Variants in IL34 observed in about 807,000 individuals in gnomAD.
IL34 encodes interleukin 34.
A neutral mutation model predicts 25.3 loss-of-function variants in IL34; 17 were observed. The ratio of observed to expected loss-of-function variants is 0.67; its 90% CI spans 0.46 to 1.01. The LOEUF (loss-of-function observed/expected upper bound fraction) is 1.01, where lower values mean the gene tolerates loss of function less well. Among genes scored for constraint, IL34 ranks in the 50% least tolerant of loss-of-function variants. The pLI, the probability that IL34 is intolerant of heterozygous loss-of-function variation, is 0.00. For missense variants in IL34, 368 were observed against 312.9 expected (o/e 1.18, Z -1.33); for synonymous variants, 174 against 140.9 (o/e 1.23, Z -1.66).
chr16:70,646,701 C>CT lies in IL34; in HGVS notation c.-246dup. On this transcript the variant is annotated 5_prime_UTR_variant, in exon 1 of 6. Transcript: ENST00000288098. ...CCAAGCCACCGGCTCAGACCTGCTT[C>CT]TGGGCTGCCATGGGACTTGCGGCCA... The CT allele has an allele frequency of 2.1e-6, 1 of 475,436 alleles. No homozygotes were observed. 29.5% of individuals were successfully genotyped at this position (475,436 alleles called of 1,614,324 possible).
intron 1 of IL34, among the ~76,000 whole-genome samples, chr16:70,640,201 G>A (rs573856047): frequency 5.9e-5 from 9 of 152,210 alleles, no homozygotes; most frequent in East Asian, 1.9e-4. Flanking sequence ...GAGTGCAGTG[G>A]TGCCATCGTG....
At chr16:70,634,372 A>G (rs2051591292) in intron 1 of IL34, among the ~76,000 whole-genome samples, 1 of 152,140 alleles carries the variant, frequency 6.6e-6, no homozygotes, top group South Asian at 2.1e-4. Flanking sequence ...CCACCACTCT[A>G]ACAAAGAAGA....
chr16:70,609,824 C>A (rs1318933682), intron 1 of IL34, among the ~76,000 whole-genome samples: 1 of 152,142 alleles, frequency 6.6e-6, no homozygotes, highest in Admixed American at 6.5e-5. Flanking sequence ...CTTGCAGGTG[C>A]CAGTGGGGAG....
intron 1 of IL34, among the ~76,000 whole-genome samples, chr16:70,626,941 A>C (rs1053589285): frequency 6.6e-6 from 1 of 152,078 alleles, no homozygotes; most frequent in Admixed American, 6.5e-5. Flanking sequence ...CTTTCTGTTC[A>C]TGTTCATTCA....
At chr16:70,635,375 T>G (rs2051617384) in intron 1 of IL34, among the ~76,000 whole-genome samples, 1 of 152,176 alleles carries the variant, frequency 6.6e-6, no homozygotes, top group South Asian at 2.1e-4. Flanking sequence ...CCTGCTAGTT[T>G]TTGCTTTGTT....
At chr16:70,643,132 G>T (rs546123015), upstream of IL34, among the ~76,000 whole-genome samples, 2 of 151,896 alleles carry the variant, frequency 1.3e-5, no homozygotes, top group Admixed American at 1.3e-4. Context: ...GGACTACCTC[G>T]GCTCACTGCA....
rs1451762998 is a variant in IL34 at position 70,660,463 on chromosome 16, C to T, written c.*276C>T. The T allele has an allele frequency of 2.7e-6, 1 of 364,580 alleles. No individual in the cohort carries two copies. The highest frequency in any genetic ancestry group is 2.1e-5 in the African/African-American group (1 of 47,830). The allele number at this position is 364,580 out of a possible 1,614,324, so 22.6% of individuals were successfully genotyped here. A position where few individuals can be genotyped will look rare whatever the true frequency, so the allele number is the denominator to read the frequency against. The stretch of plus-strand genomic sequence containing the variant: ...CTTCTCCTGGTGCTGCCCTCACTGT[C>T]CCCCCGCCTAAAGGGGGTACTGAGC... On this transcript the variant is annotated 3_prime_UTR_variant, in exon 6 of 6. Coordinates refer to ENST00000288098, the MANE Select transcript of IL34 (RefSeq NM_001393494.1).
chr16:70,629,484 G>A (rs774190467), intron 1 of IL34, among the ~76,000 whole-genome samples: 1 of 152,100 alleles, frequency 6.6e-6, no homozygotes, highest in Non-Finnish European at 1.5e-5. Context: ...ATCCATGGAC[G>A]CTCAGGTCCC....
chr16:70,656,835 TGTCCACTGTCCACAGCGGACG>T (rs2052236584), intron 3 of IL34, 104 bp from the exon 4 acceptor site: 3 of 1,161,698 alleles, frequency 2.6e-6, no homozygotes, highest in Non-Finnish European at 3.8e-6. Flanking sequence ...GGCACATGTT[TGTCCACTGTCCACAGCGGACG>T]GCCCGCGTCT....
At chr16:70,632,536 C>G (rs1018908293) in intron 1 of IL34, among the ~76,000 whole-genome samples, 1 of 152,122 alleles carries the variant, frequency 6.6e-6, no homozygotes, top group African/African-American at 2.4e-5. Flanking sequence ...CGGCTCCTGA[C>G]CAGGTGGTCC....
chr16:70,640,441 A>C (rs759167201), intron 1 of IL34, among the ~76,000 whole-genome samples: 5 of 151,792 alleles, frequency 3.3e-5, no homozygotes, highest in Admixed American at 6.6e-5. Context: ...CTGGCCAACA[A>C]GATGAAACCC....
At chr16:70,605,506 A>T (rs2050989311) in intron 1 of IL34, among the ~76,000 whole-genome samples, 1 of 150,664 alleles carries the variant, frequency 6.6e-6, no homozygotes. Context: ...CCATTAAACA[A>T]CTCCTCTTCC....
At chr16:70,621,646 C>CT (rs898643061) in intron 1 of IL34, among the ~76,000 whole-genome samples, 1 of 152,068 alleles carries the variant, frequency 6.6e-6, no homozygotes, top group African/African-American at 2.4e-5. Flanking sequence ...ATCAAACAGG[C>CT]TTTGTGTGAG....
intron 1 of IL34, among the ~76,000 whole-genome samples, chr16:70,604,970 G>T (rs1270878668): frequency 2.0e-5 from 3 of 152,268 alleles, no homozygotes; most frequent in Non-Finnish European, 4.4e-5. Context: ...GTCAGGGGTG[G>T]TTCTGCTGCT....
chr16:70,587,470 A>G (rs2050708230), intron 1 of IL34, among the ~76,000 whole-genome samples: 1 of 151,678 alleles, frequency 6.6e-6, no homozygotes, highest in Admixed American at 6.6e-5. Flanking sequence ...ACGGGGTTTC[A>G]CCGTTTTAGC....
chr16:70,636,067 C>G (rs543265596), intron 1 of IL34, among the ~76,000 whole-genome samples: 2 of 149,540 alleles, frequency 1.3e-5, no homozygotes, highest in Non-Finnish European at 3.0e-5. Context: ...TTGAGACAGT[C>G]TCGCTCTGTT....
At chr16:70,602,753 T>C (rs1378772034) in intron 1 of IL34, among the ~76,000 whole-genome samples, 1 of 152,158 alleles carries the variant, frequency 6.6e-6, no homozygotes, top group Non-Finnish European at 1.5e-5. Flanking sequence ...TTGCCCAGGC[T>C]GATCTTGAAC....
intron 1 of IL34, among the ~76,000 whole-genome samples, chr16:70,624,951 T>C (rs9929531): frequency 0.52 from 78,810 of 151,056 alleles, 21,547 homozygotes; most frequent in African/African-American, 0.68. Flanking sequence ...ACGAGTTGCA[T>C]TGGGCACAGA....
Position 70,660,527 on chromosome 16 carries a change from T to C in IL34, c.*340T>C. ...CAGCAGTGAGGGCACAGCTGTGGGT[T>C]GCAGGGGAGACAGCCAGCACGGCGT... On this transcript the variant is annotated 3_prime_UTR_variant, in exon 6 of 6. Coordinates refer to ENST00000288098, the MANE Select transcript of IL34 (RefSeq NM_001393494.1). 1 of 236,132 alleles carries C rather than the reference T, an allele frequency of 4.2e-6. No individual in the cohort carries two copies. The highest frequency in any genetic ancestry group is 8.2e-6 in the Non-Finnish European group (1 of 122,430). The allele number at this position is 236,132 out of a possible 1,614,324, so 14.6% of individuals were successfully genotyped here. A position where few individuals can be genotyped will look rare whatever the true frequency, so the allele number is the denominator to read the frequency against.
Sources: gnomAD v4.1 joint callset for allele counts (sites outside exome capture counted in the v4.1 genomes callset) on GRCh38, gnomAD v4.1.1 for gene constraint, MANE v1.5 for transcripts, NCBI Gene and HGNC (gene_info 2026-07-23, HGNC 2026-07-21) for gene names.